The following EPB41L4A variants were observed in gnomAD, a reference collection of about 807,000 sequenced individuals.
The protein encoded by EPB41L4A is erythrocyte membrane protein band 4.1 like 4A, also known as band 4.1-like protein 4A.
A neutral mutation model predicts 108.6 loss-of-function variants in EPB41L4A; 100 were observed. That is an observed-to-expected ratio of 0.92 (90% CI 0.78 to 1.09). The LOEUF is 1.09. Among genes scored for constraint, EPB41L4A ranks in the 50% least tolerant of loss-of-function variants. EPB41L4A has a pLI of 0.00. For synonymous variants in EPB41L4A, 319 were observed against 289.0 expected, an observed-to-expected ratio of 1.10 and a Z score of -1.05; for missense variants, 1,030 against 842.7, an observed-to-expected ratio of 1.22 and a Z score of -2.75.
Position 112,209,976 on chromosome 5 carries a change from T to C in EPB41L4A, c.1094A>G (p.Asn365Ser). 6.4e-7 allele frequency: 1 copy of C among 1,571,948 alleles called. No homozygotes were observed. The highest frequency in any genetic ancestry group is 8.7e-7 in the Non-Finnish European group (1 of 1,145,182). ...RIAQTQPAES[N>S]SISRITANME... is the part of the protein sequence containing the mutation. ...GTTTGCAGTTATCCTACTGATGCTG[T>C]TTGATTCTAGCAGAGGAGGAGAAGG... Residue 365 changes from asparagine (N) to serine (S), a missense_variant, in exon 13 of 23, where the codon AAC becomes AGC. Asn to Ser is a conservative substitution (Grantham distance 46). Transcript: ENST00000261486.
chr5:112,207,416 CA>C (rs111259976), intron 13 of EPB41L4A, among the ~76,000 whole-genome samples: 2,220 of 152,112 alleles, frequency 0.015, 57 homozygotes, highest in South Asian at 0.064. Flanking sequence ...GCAACAAAAC[CA>C]AAAATTGACA....
At chr5:112,388,592 C>T (rs1760721126) in intron 1 of EPB41L4A, among the ~76,000 whole-genome samples, 1 of 152,150 alleles carries the variant, frequency 6.6e-6, no homozygotes, top group Admixed American at 6.5e-5. Context: ...TATGGATAGA[C>T]AGCCTGTGTA....
chr5:112,357,713 T>C (rs1758452588), intron 1 of EPB41L4A, among the ~76,000 whole-genome samples: 1 of 152,190 alleles, frequency 6.6e-6, no homozygotes, highest in South Asian at 2.1e-4. Context: ...GGCTTTACAC[T>C]GAATCATGGG....
chr5:112,396,584 G>A (rs1469697284), intron 1 of EPB41L4A, among the ~76,000 whole-genome samples: 1 of 152,258 alleles, frequency 6.6e-6, no homozygotes, highest in Non-Finnish European at 1.5e-5. Context: ...TATGGTCAGA[G>A]TATCAGCCAG....
intron 12 of EPB41L4A, among the ~76,000 whole-genome samples, chr5:112,151,161 G>A (rs1759449856): frequency 6.6e-6 from 1 of 152,016 alleles, no homozygotes; most frequent in Admixed American, 6.6e-5. Flanking sequence ...TGAATAGATG[G>A]TCTGAGATGC....
chr5:112,298,322 T>G (rs1052395303), intron 2 of EPB41L4A, among the ~76,000 whole-genome samples: 4 of 152,202 alleles, frequency 2.6e-5, no homozygotes, highest in Non-Finnish European at 5.9e-5. Flanking sequence ...GCTGTGGGTT[T>G]GTCATAGATG....
intron 19 of EPB41L4A, 21 bp downstream of exon 19, chr5:112,170,924 A>C (rs781200074): frequency 3.1e-6 from 5 of 1,608,102 alleles, no homozygotes; most frequent in Non-Finnish European, 8.5e-7. Context: ...TAAAACAATA[A>C]GAAAGAAAAC....
Position 112,344,479 on chromosome 5 carries a change from C to T in EPB41L4A, c.100-36989G>A, listed in dbSNP as rs561533446. ...TTGTACATGGGGGTTCACTGACCAACTCTGATAACAGTTTTAAGTGAACTT... is the reference window on the plus strand; with the variant it reads ...TTGTACATGGGGGTTCACTGACCAATTCTGATAACAGTTTTAAGTGAACTT... On this transcript the variant is annotated intron_variant, in intron 1 of 22. Transcript: ENST00000261486. Among the ~76,000 whole-genome samples, 12 of 152,354 alleles carry T rather than the reference C, an allele frequency of 7.9e-5. No homozygotes were observed. In the East Asian group the frequency reaches 2.3e-3, roughly 29 times the overall value.
chr5:112,363,572 T>C (rs1437054332), intron 1 of EPB41L4A: 1 of 152,420 alleles, frequency 6.6e-6, no homozygotes, highest in African/African-American at 2.4e-5. Context: ...AATGATCTGG[T>C]CAGACATGTT....
chr5:112,348,549 C>T (rs1757832453), intron 1 of EPB41L4A, among the ~76,000 whole-genome samples: 1 of 151,980 alleles, frequency 6.6e-6, no homozygotes, highest in Non-Finnish European at 1.5e-5. Context: ...AATCACACTG[C>T]AGGGGAAGGG....
chr5:112,187,278 C>G (rs1761476028), intron 17 of EPB41L4A, among the ~76,000 whole-genome samples: 2 of 152,174 alleles, frequency 1.3e-5, no homozygotes, highest in South Asian at 4.1e-4. Flanking sequence ...TCCAATAAGT[C>G]TACATTTATC....
At chr5:112,144,755 G>T (rs1460143115) in intron 13 of EPB41L4A, among the ~76,000 whole-genome samples, 1 of 152,162 alleles carries the variant, frequency 6.6e-6, no homozygotes, top group African/African-American at 2.4e-5. Context: ...GATAGACATT[G>T]GGGCCATGGG....
chr5:112,368,165 T>C (rs141661266), intron 1 of EPB41L4A, among the ~76,000 whole-genome samples: 2,236 of 152,314 alleles, frequency 0.015, 28 homozygotes, highest in South Asian at 0.038. Flanking sequence ...ACTCAACTTA[T>C]TATCTTTAAA....
chr5:112,220,935 T>TATACTAGAA (rs1238757112), intron 12 of EPB41L4A, among the ~76,000 whole-genome samples: 1 of 152,208 alleles, frequency 6.6e-6, no homozygotes, highest in Non-Finnish European at 1.5e-5. Flanking sequence ...ATATACCCTT[T>TATACTAGAA]TGTCCTCTAG....
At chr5:112,220,387 C>CA (rs2150335182) in intron 12 of EPB41L4A, among the ~76,000 whole-genome samples, 1 of 152,178 alleles carries the variant, frequency 6.6e-6, no homozygotes, top group South Asian at 2.1e-4. Context: ...TTTACCTTCC[C>CA]AATACCAACC....
rs762748987 is a variant in EPB41L4A at position 112,205,469 on chromosome 5, G to C, written c.1214C>G (p.Thr405Ser). The C allele has an allele frequency of 1.2e-6, 2 of 1,613,326 alleles. No individual in the cohort carries two copies. Among genetic ancestry groups the C allele is most frequent in the Non-Finnish European group, 1.7e-6 (2 of 1,179,750 alleles). ...KKAKNENSPDTQRSKSHAPWE... is the reference protein window; with the variant it reads ...KKAKNENSPDSQRSKSHAPWE... ...CGGTGCATGAGATTTGCTTCTTTGG[G>C]TATCAGGGCTATTTTCATTCTTTGC... The change falls in exon 14 of 23, where the codon ACC becomes AGC. Residue 405 changes from threonine to serine, a missense_variant. Transcript: ENST00000261486.
chr5:112,144,838 T>C (rs1022237063), intron 13 of EPB41L4A, among the ~76,000 whole-genome samples: 1 of 152,190 alleles, frequency 6.6e-6, no homozygotes, highest in Non-Finnish European at 1.5e-5. Flanking sequence ...TATGTAATCT[T>C]GTGCCCATGC....
chr5:112,143,404 G>A (rs1213277337), exon 14 of EPB41L4A: 1 of 152,328 alleles, frequency 6.6e-6, no homozygotes, highest in African/African-American at 2.4e-5. Context: ...AAAATGATCT[G>A]TTTTTATGTT....
chr5:112,341,875 T>C (rs1394459476), intron 1 of EPB41L4A, among the ~76,000 whole-genome samples: 2 of 152,030 alleles, frequency 1.3e-5, no homozygotes, highest in African/African-American at 4.8e-5. Flanking sequence ...ATGGAAAAAA[T>C]ATTTTTGGAC....
Sources: allele counts gnomAD v4.1 joint callset (sites outside exome capture counted in the v4.1 genomes callset), GRCh38; gene constraint gnomAD v4.1.1; transcripts MANE v1.5; gene names NCBI Gene and HGNC (gene_info 2026-07-23, HGNC 2026-07-21).